Variants in CEP112 observed in about 807,000 individuals in gnomAD.
CEP112 encodes the protein centrosomal protein 112, also known as centrosomal protein of 112 kDa.
In CEP112, 127 loss-of-function variants were observed where a neutral mutation model predicts 153.0. The ratio of observed to expected loss-of-function variants is 0.83; its 90% CI spans 0.72 to 0.96. The LOEUF is 0.96. Ranked by LOEUF, CEP112 falls within the 40% of genes least tolerant of loss-of-function variation. CEP112 has a pLI of 0.00. For missense variants in CEP112, 1,089 were observed against 1,101.2 expected (o/e 0.99, Z 0.16); for synonymous variants, 358 against 374.4 (o/e 0.96, Z 0.51).
At chr17:66,034,978 A>G (rs1409075352) in intron 12 of CEP112, among the ~76,000 whole-genome samples, 1,776 of 33,560 alleles carry the variant, frequency 0.053, 89 homozygotes, top group Admixed American at 0.065. Flanking sequence ...TTTTGCATGT[A>G]TATATATATA....
chr17:66,047,479 C>T (rs2066261529), intron 12 of CEP112, among the ~76,000 whole-genome samples: 1 of 152,230 alleles, frequency 6.6e-6, no homozygotes, highest in East Asian at 1.9e-4. Flanking sequence ...TTCACATATA[C>T]TTTCAATTAG....
At chr17:65,892,195 C>G (rs1399858307) in intron 20 of CEP112, among the ~76,000 whole-genome samples, 1 of 152,132 alleles carries the variant, frequency 6.6e-6, no homozygotes, top group Non-Finnish European at 1.5e-5. Flanking sequence ...GGTGTGCATG[C>G]CCAGCCCTAG....
intron 17 of CEP112, among the ~76,000 whole-genome samples, chr17:65,979,105 G>T (rs2145109972): frequency 2.0e-5 from 3 of 152,240 alleles, no homozygotes; most frequent in Middle Eastern, 6.8e-3. Context: ...ATCTAAAATG[G>T]TTGCAGATGC....
At chr17:66,052,049 G>A (rs908639456) in intron 12 of CEP112, among the ~76,000 whole-genome samples, 2 of 152,098 alleles carry the variant, frequency 1.3e-5, no homozygotes, top group Admixed American at 1.3e-4. Flanking sequence ...TGAAGTATAG[G>A]GTATTTCATG....
At chr17:65,852,487 C>T (rs1424792114) in intron 20 of CEP112, among the ~76,000 whole-genome samples, 1 of 92,826 alleles carries the variant, frequency 1.1e-5, no homozygotes, top group Admixed American at 1.1e-4. Context: ...CCTTCCCTCC[C>T]TCATTCCCTC....
At chr17:65,846,717 C>T (rs1261422388) in intron 21 of CEP112, among the ~76,000 whole-genome samples, 6 of 152,112 alleles carry the variant, frequency 3.9e-5, no homozygotes, top group East Asian at 3.9e-4. Context: ...TACAGGCGCC[C>T]GCCACCACAC....
intron 22 of CEP112, among the ~76,000 whole-genome samples, chr17:65,748,652 A>G (rs1181875133): frequency 1.3e-5 from 2 of 152,196 alleles, no homozygotes; most frequent in African/African-American, 4.8e-5. Context: ...AAACCATCCT[A>G]TGAGGTTAGT....
At chr17:65,754,623 AAATAAGATAAAATAAAATAAAATAC>A (rs1362694665) in intron 21 of CEP112, among the ~76,000 whole-genome samples, 3 of 152,068 alleles carry the variant, frequency 2.0e-5, no homozygotes, top group African/African-American at 4.8e-5. Flanking sequence ...AAATAAAATA[AAATAAGATAAAATAAAATAAAATAC>A]AATACAGTGT....
intron 17 of CEP112, among the ~76,000 whole-genome samples, chr17:65,997,645 GTTTTATT>G (rs1320090702): frequency 6.6e-6 from 1 of 151,938 alleles, no homozygotes; most frequent in Non-Finnish European, 1.5e-5. Flanking sequence ...TACTATTAAT[GTTTTATT>G]ATAATTTTTC....
intron 6 of CEP112, among the ~76,000 whole-genome samples, chr17:66,109,836 T>C (rs2068944277): frequency 6.6e-6 from 1 of 151,864 alleles, no homozygotes; most frequent in Non-Finnish European, 1.5e-5. Context: ...ATGAAAAAAA[T>C]CAAGGTGGGG....
chr17:66,062,936 T>G, intron 11 of CEP112, 27 bp downstream of exon 11: 1 of 1,159,606 alleles, frequency 8.6e-7, no homozygotes, highest in South Asian at 1.5e-5. Flanking sequence ...ACTTTTATGT[T>G]TTCCATTAGT....
intron 20 of CEP112, among the ~76,000 whole-genome samples, chr17:65,853,287 C>A (rs916647246): frequency 1.3e-5 from 2 of 151,946 alleles, no homozygotes; most frequent in Non-Finnish European, 2.9e-5. Context: ...ATGCATCATT[C>A]CAATCAGTGC....
intron 12 of CEP112, among the ~76,000 whole-genome samples, chr17:66,037,084 G>A (rs1329735516): frequency 1.3e-5 from 2 of 152,138 alleles, no homozygotes; most frequent in African/African-American, 4.8e-5. Context: ...TGAGACTCAT[G>A]AATGGGATAT....
chr17:65,691,805 A>G (rs1301805223), intron 23 of CEP112, among the ~76,000 whole-genome samples: 1 of 152,170 alleles, frequency 6.6e-6, no homozygotes, highest in East Asian at 1.9e-4. Context: ...AAGAATAGTT[A>G]TCTATTTTTT....
At chr17:65,776,416 AG>A (rs2053681599) in intron 21 of CEP112, among the ~76,000 whole-genome samples, 1 of 152,088 alleles carries the variant, frequency 6.6e-6, no homozygotes, top group Non-Finnish European at 1.5e-5. Context: ...TTGTATTTTT[AG>A]TAGAGATGGA....
chr17:65,977,941 G>A (rs932108778), intron 17 of CEP112, among the ~76,000 whole-genome samples: 1 of 152,182 alleles, frequency 6.6e-6, no homozygotes, highest in Admixed American at 6.5e-5. Flanking sequence ...CAGACATGGT[G>A]GCAGGCACCT....
At chr17:65,697,426 A>G (rs1487722465) in intron 23 of CEP112, among the ~76,000 whole-genome samples, 1 of 152,248 alleles carries the variant, frequency 6.6e-6, no homozygotes, top group Non-Finnish European at 1.5e-5. Context: ...ATGTAAATTG[A>G]CACCGAAACA....
At chr17:66,132,292 T>C (rs1308150258) in intron 5 of CEP112, among the ~76,000 whole-genome samples, 1 of 146,128 alleles carries the variant, frequency 6.8e-6, no homozygotes, top group African/African-American at 2.5e-5. Context: ...TTTCAAAATA[T>C]ACAGTTTACC....
intron 21 of CEP112, among the ~76,000 whole-genome samples, chr17:65,809,522 G>A (rs1375589930): frequency 6.6e-6 from 1 of 152,178 alleles, no homozygotes; most frequent in African/African-American, 2.4e-5. Flanking sequence ...AGACGTGATG[G>A]GAAGTGGTTT....
Sources: allele counts gnomAD v4.1 joint callset (sites outside exome capture counted in the v4.1 genomes callset), GRCh38; gene constraint gnomAD v4.1.1; transcripts MANE v1.5; gene names NCBI Gene and HGNC (gene_info 2026-07-23, HGNC 2026-07-21).